The following HECW1 variants were observed in gnomAD, a reference collection of about 807,000 sequenced individuals.
HECW1 encodes E3 ubiquitin-protein ligase HECW1.
Under a neutral mutation model 182.3 loss-of-function variants are expected in HECW1, and 61 were observed. The ratio of observed to expected loss-of-function variants is 0.33; its 90% CI spans 0.27 to 0.41. The LOEUF (loss-of-function observed/expected upper bound fraction) is 0.41. Ranked by LOEUF, HECW1 falls within the 10% of genes least tolerant of loss-of-function variation. The probability of loss-of-function intolerance (pLI) is 1.00; values close to 1 mark genes in which losing one functional copy is unlikely to be tolerated. For synonymous variants in HECW1, 859 were observed against 832.6 expected, an observed-to-expected ratio of 1.03 and a Z score of -0.55; for missense variants, 1,739 against 2,108.9, an observed-to-expected ratio of 0.82 and a Z score of 3.44.
chr7:43,496,287 A>G (rs1252944797), intron 19 of HECW1, among the ~76,000 whole-genome samples: 1 of 151,712 alleles, frequency 6.6e-6, no homozygotes, highest in Non-Finnish European at 1.5e-5. Flanking sequence ...ACATATAAAT[A>G]TAAACCTCTG....
At chr7:43,355,617 G>C (rs187676157) in intron 5 of HECW1, among the ~76,000 whole-genome samples, 1 of 150,822 alleles carries the variant, frequency 6.6e-6, no homozygotes, top group Non-Finnish European at 1.5e-5. Flanking sequence ...AAAATAAAAA[G>C]CAAAAAAACA....
intron 6 of HECW1, among the ~76,000 whole-genome samples, chr7:43,396,490 T>G (rs1469889370): frequency 6.6e-6 from 1 of 152,248 alleles, no homozygotes; most frequent in Non-Finnish European, 1.5e-5. Flanking sequence ...AGGCCCTGCT[T>G]TAATAAATAC....
intron 5 of HECW1, among the ~76,000 whole-genome samples, chr7:43,347,628 T>C (rs1037998568): frequency 3.3e-5 from 5 of 152,216 alleles, no homozygotes; most frequent in African/African-American, 1.2e-4. Context: ...GCTTTCAACT[T>C]TTCCCCATTC....
intron 2 of HECW1, among the ~76,000 whole-genome samples, chr7:43,182,501 C>T (rs1792964325): frequency 6.6e-6 from 1 of 152,172 alleles, no homozygotes; most frequent in Admixed American, 6.5e-5. Flanking sequence ...CTATTTTGTT[C>T]CATTGGTCTA....
intron 3 of HECW1, among the ~76,000 whole-genome samples, chr7:43,268,769 G>GT (rs554992668): frequency 0.01 from 1,436 of 142,136 alleles, 31 homozygotes; most frequent in African/African-American, 0.036. Flanking sequence ...TGTTGTTGTT[G>GT]TTGTTTGTTT....
rs1041101136 is a variant in HECW1 at position 43,444,125 on chromosome 7, T to A, written c.1046-93T>A. 58 of 1,263,010 alleles carry A rather than the reference T, an allele frequency of 4.6e-5. No individual in the cohort carries two copies. Among genetic ancestry groups the A allele is most frequent in the Non-Finnish European group, 6.1e-5 (56 of 912,852 alleles). The allele number at this position is 1,263,010 out of a possible 1,614,324, so 78.2% of individuals were successfully genotyped here. A position where few individuals can be genotyped will look rare whatever the true frequency, so the allele number is the denominator to read the frequency against. ...TACATTCAATATCCTAATGTAGAAA[T>A]CCCTTAGTGATGGCTTACATGTCCC... On this transcript the variant is annotated intron_variant, in intron 10 of 29. Coordinates refer to ENST00000395891, the MANE Select transcript of HECW1 (RefSeq NM_015052.5). This position sits in a 1 kb window ranked among gnomAD's most constrained non-coding sequence, Gnocchi z 4.3.
At chr7:43,527,046 T>C (rs866825442) in intron 24 of HECW1, among the ~76,000 whole-genome samples, 13 of 152,240 alleles carry the variant, frequency 8.5e-5, no homozygotes, top group Admixed American at 6.5e-4. Flanking sequence ...ACTTTAGTTA[T>C]CCAGGCAAGC....
At chr7:43,547,949 A>G (rs1300921693) in intron 26 of HECW1, among the ~76,000 whole-genome samples, 1 of 152,280 alleles carries the variant, frequency 6.6e-6, no homozygotes, top group Non-Finnish European at 1.5e-5. Context: ...GAGAGAGGCT[A>G]TTCATCAGCA....
chr7:43,256,755 C>T (rs564084598), intron 3 of HECW1, among the ~76,000 whole-genome samples: 10 of 152,174 alleles, frequency 6.6e-5, no homozygotes, highest in East Asian at 3.9e-4. Context: ...AAAGCTACTT[C>T]ACTAAAAGCA....
chr7:43,161,014 G>C (rs1790472093), intron 2 of HECW1, among the ~76,000 whole-genome samples: 1 of 151,162 alleles, frequency 6.6e-6, no homozygotes, highest in Non-Finnish European at 1.5e-5. Context: ...CAGCTTTCTT[G>C]AAGGGATGTT....
At chr7:43,169,632 C>A (rs1323671009) in intron 2 of HECW1, among the ~76,000 whole-genome samples, 1 of 151,840 alleles carries the variant, frequency 6.6e-6, no homozygotes, top group East Asian at 1.9e-4. Flanking sequence ...GTGTTATAAA[C>A]TCCTTAACAA....
Position 43,565,249 on chromosome 7 carries a change from A to G in HECW1, c.*3323A>G, listed in dbSNP as rs2082301631. On this transcript the variant is annotated 3_prime_UTR_variant, in exon 30 of 30. Coordinates refer to ENST00000395891, the MANE Select transcript of HECW1 (RefSeq NM_015052.5). ...GTGGAGGTTGTGAAGATGCCGAGAG[A>G]GTGGTGAAAAAATTAAGAAAAAGAG... The G allele has an allele frequency of 1.5e-5, 3 of 203,672 alleles. No individual in the cohort carries two copies. The highest frequency in any genetic ancestry group is 3.0e-5 in the Non-Finnish European group (3 of 99,306). The allele number at this position is 203,672 out of a possible 1,614,324, so 12.6% of individuals were successfully genotyped here.
intron 3 of HECW1, among the ~76,000 whole-genome samples, chr7:43,286,683 C>G (rs914851232): frequency 2.0e-5 from 3 of 152,072 alleles, no homozygotes; most frequent in Non-Finnish European, 2.9e-5. Flanking sequence ...CCCACCCCCC[C>G]AAAGGTGTTT....
chr7:43,449,841 G>A (rs113278958), intron 11 of HECW1, among the ~76,000 whole-genome samples: 52 of 152,314 alleles, frequency 3.4e-4, no homozygotes, highest in African/African-American at 1.3e-3. Flanking sequence ...CAAAGATCAA[G>A]AGCACTGGCC....
chr7:43,427,164 C>G (rs1225806628), intron 8 of HECW1, among the ~76,000 whole-genome samples: 1 of 152,092 alleles, frequency 6.6e-6, no homozygotes, highest in Non-Finnish European at 1.5e-5. Flanking sequence ...AGTTATTTTT[C>G]CCTCAGTACT....
At chr7:43,137,923 T>G (rs545292146) in intron 2 of HECW1, among the ~76,000 whole-genome samples, 4 of 151,548 alleles carry the variant, frequency 2.6e-5, no homozygotes, top group African/African-American at 9.8e-5. Context: ...AGATGTCATA[T>G]TATTCTGACC....
intron 8 of HECW1, among the ~76,000 whole-genome samples, chr7:43,416,564 G>A (rs1377144835): frequency 6.6e-6 from 1 of 151,962 alleles, no homozygotes; most frequent in Admixed American, 6.6e-5. Flanking sequence ...CACCCAGTTC[G>A]AGCTTCCAGG....
At chr7:43,248,713 C>CCTCCTCCTTTTCCTCCTCCTT (rs1562732048) in intron 3 of HECW1, 2 of 146,784 alleles carry the variant, frequency 1.4e-5, no homozygotes, top group African/African-American at 5.1e-5. Flanking sequence ...TCCTCCTCCT[C>CCTCCTCCTTTTCCTCCTCCTT]CTCCTCCTCC....
rs374015879 is a variant in HECW1 at position 43,556,295 on chromosome 7, G to A, written c.4709+1505G>A. Among the ~76,000 whole-genome samples the A allele has an allele frequency of 8.3e-4, 126 of 152,304 alleles. 1 individual carries two copies. In the South Asian group the frequency reaches 0.017, roughly 21 times the overall value. On this transcript the variant is annotated intron_variant, in intron 29 of 29. Coordinates refer to ENST00000395891, the MANE Select transcript of HECW1 (RefSeq NM_015052.5). ...GGCTGAGAGCGGGGAATGGCAGCAC[G>A]TGTTCAGGAAGGTGCAGCTGGCCAG...
Sources: allele counts gnomAD v4.1 joint callset (sites outside exome capture counted in the v4.1 genomes callset), GRCh38; gene constraint gnomAD v4.1.1; non-coding constraint Gnocchi (gnomAD v3.1); transcripts MANE v1.5; gene names NCBI Gene and HGNC (gene_info 2026-07-23, HGNC 2026-07-21).